The following AOX1 variants were observed in gnomAD, a reference collection of about 807,000 sequenced individuals.
AOX1 encodes the protein aldehyde oxidase 1.
In AOX1, 153 loss-of-function variants were observed where a neutral mutation model predicts 169.5. The ratio of observed to expected loss-of-function variants is 0.90; its 90% CI spans 0.79 to 1.03. The LOEUF (loss-of-function observed/expected upper bound fraction) is 1.03, where lower values mean the gene tolerates loss of function less well. AOX1 is among the 50% of genes least tolerant of loss of function. The pLI is 0.00. For missense variants in AOX1, 1,656 were observed against 1,663.9 expected (o/e 1.00, Z 0.08); for synonymous variants, 562 against 581.9 (o/e 0.97, Z 0.49).
chr2:200,620,513 A>G, intron 16 of AOX1, 137 bp from the exon 17 acceptor site: 1 of 798,312 alleles, frequency 1.3e-6, no homozygotes, highest in Non-Finnish European at 1.8e-6. Context: ...CCAGCCCAAT[A>G]GTGCTTTTTC....
chr2:200,613,249 C>A (rs2034683874), intron 14 of AOX1, among the ~76,000 whole-genome samples: 1 of 152,132 alleles, frequency 6.6e-6, no homozygotes, highest in East Asian at 1.9e-4. Context: ...GCTGCCATAA[C>A]AAAGCATAGT....
Position 200,668,740 on chromosome 2 carries a change from C to T in AOX1, c.3735C>T (p.Pro1245=), listed in dbSNP as rs145877467. 2,325 of 1,614,142 alleles carry T rather than the reference C, an allele frequency of 1.4e-3. 28 individuals carry two copies. The African/African-American group carries it at 0.026, about 18-fold the overall frequency. The change falls in exon 33 of 35, where the codon CCC becomes CCT. Residue 1245 remains proline (P), a synonymous_variant. Transcript: ENST00000374700. The part of the protein sequence containing the change: ...QYKIPAICDM[P]TELHIALLPP... ...AAATCCCTGCCATCTGTGACATGCC[C>T]ACGGAGTTGCACATTGCTTTGTTGC... is the stretch of plus-strand genomic sequence containing the variant.
intron 17 of AOX1, 81 bp from the exon 18 acceptor site, chr2:200,621,039 C>G (rs1201939080): frequency 6.7e-7 from 1 of 1,489,996 alleles, no homozygotes. Flanking sequence ...GTTCTTACCT[C>G]TCTCATATCT....
Position 200,651,144 on chromosome 2 carries a change from A to T in AOX1, c.3018A>T (p.Gly1006=). ...FNAENYWKKK[G]LAMVPLKFPV... is the part of the protein sequence containing the mutation. ...CAGAGAATTATTGGAAGAAGAAAGGACTGGCCATGGTCCCCCTGAAGTTTC... is the reference window on the plus strand; with the variant it reads ...CAGAGAATTATTGGAAGAAGAAAGGTCTGGCCATGGTCCCCCTGAAGTTTC... Residue 1006 remains glycine (G), a synonymous_variant, in exon 26 of 35, where the codon GGA becomes GGT. Transcript: ENST00000374700. 2 of 1,614,188 alleles carry T rather than the reference A, an allele frequency of 1.2e-6. No homozygotes were observed. The highest frequency in any genetic ancestry group is 1.7e-6 in the Non-Finnish European group (2 of 1,180,032).
chr2:200,623,698 G>T (rs900713139), intron 18 of AOX1, among the ~76,000 whole-genome samples, 163 bp from the exon 19 acceptor site: 1 of 152,236 alleles, frequency 6.6e-6, no homozygotes, highest in Admixed American at 6.5e-5. Flanking sequence ...GGATCAGGAG[G>T]CCAGCTGTGG....
intron 20 of AOX1, among the ~76,000 whole-genome samples, chr2:200,629,250 A>G (rs1004284430): frequency 2.0e-5 from 3 of 152,192 alleles, no homozygotes; most frequent in Non-Finnish European, 4.4e-5. Flanking sequence ...CTGGCAGGGC[A>G]CTTCTCAGGG....
chr2:200,650,381 C>T (rs2035558000), intron 25 of AOX1, among the ~76,000 whole-genome samples: 1 of 152,180 alleles, frequency 6.6e-6, no homozygotes, highest in Admixed American at 6.5e-5. Context: ...GCCACAAGTG[C>T]TATGAGTTTT....
intron 25 of AOX1, among the ~76,000 whole-genome samples, chr2:200,650,548 A>G (rs1418083991): frequency 6.6e-6 from 1 of 152,200 alleles, no homozygotes; most frequent in East Asian, 1.9e-4. Flanking sequence ...GGTTATATTT[A>G]AACGAACTTT....
At chr2:200,601,631 T>TA (rs1426599861) in intron 5 of AOX1, among the ~76,000 whole-genome samples, 87 of 133,146 alleles carry the variant, frequency 6.5e-4, no homozygotes, top group African/African-American at 1.2e-3. Context: ...ATTTTACTTT[T>TA]TAAAAAAAAA....
intron 34 of AOX1, among the ~76,000 whole-genome samples, chr2:200,670,006 T>C (rs1300213733): frequency 1.3e-5 from 2 of 152,002 alleles, no homozygotes; most frequent in Non-Finnish European, 2.9e-5. Context: ...AGTTTTATGT[T>C]CCTCTCCTGT....
At chr2:200,652,013 T>C (rs2035589697) in intron 26 of AOX1, among the ~76,000 whole-genome samples, 1 of 152,138 alleles carries the variant, frequency 6.6e-6, no homozygotes, top group South Asian at 2.1e-4. Flanking sequence ...CTTTGCAGAA[T>C]TCACTCCTTG....
At chr2:200,636,387 C>G (rs1287811322) in intron 21 of AOX1, among the ~76,000 whole-genome samples, 1 of 151,958 alleles carries the variant, frequency 6.6e-6, no homozygotes, top group Non-Finnish European at 1.5e-5. Flanking sequence ...ACTTGGACTC[C>G]CAAAGTGCTG....
In AOX1 at chr2:200,659,263, G is replaced by C. The variant is rs765602453; in HGVS notation, c.3270G>C (p.Val1090=). ...ATGCAAATATCTCTGGAGGTTCTGT[G>C]GTGGCAGATCTCAACGGTTTGGCAG... ...VPNANISGGS[V]VADLNGLAVK... Residue 1090 remains valine (V), a synonymous_variant, in exon 28 of 35, where the codon GTG becomes GTC. Transcript: ENST00000374700. 6.2e-7 allele frequency: 1 copy of C among 1,613,452 alleles called. No homozygotes were observed. Among genetic ancestry groups the C allele is most frequent in the African/African-American group, 1.3e-5 (1 of 74,866 alleles).
chr2:200,642,896 A>T (rs761241782), intron 25 of AOX1, 95 bp downstream of exon 25: 2 of 1,249,394 alleles, frequency 1.6e-6, no homozygotes, highest in Non-Finnish European at 2.2e-6. Flanking sequence ...TGAGACCCAG[A>T]GGGGCAAATG....
At chr2:200,587,741 T>C (rs2034069391) in intron 1 of AOX1, among the ~76,000 whole-genome samples, 1 of 152,166 alleles carries the variant, frequency 6.6e-6, no homozygotes, top group African/African-American at 2.4e-5. Context: ...TTTTCTTCTT[T>C]TGCATAATAG....
intron 27 of AOX1, among the ~76,000 whole-genome samples, chr2:200,657,539 C>T (rs563183736): frequency 1.1e-4 from 16 of 152,054 alleles, no homozygotes; most frequent in Admixed American, 3.3e-4. Context: ...TTGCTGCTTT[C>T]CTTTGGATAT....
chr2:200,625,748 A>G (rs1056531755), intron 19 of AOX1, among the ~76,000 whole-genome samples: 2 of 152,252 alleles, frequency 1.3e-5, no homozygotes, highest in African/African-American at 4.8e-5. Flanking sequence ...AATAGGATTT[A>G]TAAAACCTAG....
chr2:200,617,353 C>T (rs1021677379), intron 16 of AOX1, among the ~76,000 whole-genome samples: 4 of 152,006 alleles, frequency 2.6e-5, no homozygotes, highest in African/African-American at 9.7e-5. Flanking sequence ...TATTTTGACA[C>T]AGCTTCAAAA....
Position 200,612,754 on chromosome 2 carries a change from C to G in AOX1, c.1409C>G (p.Thr470Ser). Residue 470 changes from threonine to serine, a missense_variant, in exon 14 of 35, where the codon ACC (threonine) becomes AGC (serine). Physicochemically the swap from Thr to Ser is moderately conservative, Grantham distance 58. Transcript: ENST00000374700. ...TCATATGGAGGCGTTGGTCCAGCCA[C>G]CATCTGTGCCAAGAATTCCTGCCAG... Reference protein sequence around the residue: ...CISYGGVGPATICAKNSCQKL... With the variant: ...CISYGGVGPASICAKNSCQKL... 1 of 1,613,952 alleles carries G rather than the reference C, an allele frequency of 6.2e-7. No individual in the cohort carries two copies. Among genetic ancestry groups the G allele is most frequent in the Non-Finnish European group, 8.5e-7 (1 of 1,179,932 alleles).
Sources: allele counts gnomAD v4.1 joint callset (sites outside exome capture counted in the v4.1 genomes callset), GRCh38; gene constraint gnomAD v4.1.1; transcripts MANE v1.5; gene names NCBI Gene and HGNC (gene_info 2026-07-23, HGNC 2026-07-21).